Variants in TMEM273 observed in about 807,000 individuals in gnomAD.
TMEM273 encodes the protein transmembrane protein 273.
TMEM273 carries 19 observed loss-of-function variants against 17.9 expected under a neutral mutation model. The ratio of observed to expected loss-of-function variants is 1.06; its 90% CI spans 0.74 to 1.55. TMEM273 has a LOEUF of 1.55. Among genes scored for constraint, TMEM273 ranks in the 40% most tolerant of loss-of-function variants. The pLI, the probability that TMEM273 is intolerant of heterozygous loss-of-function variation, is 0.00. For synonymous variants in TMEM273, 66 were observed against 62.0 expected, an observed-to-expected ratio of 1.07 and a Z score of -0.31; for missense variants, 194 against 155.6, an observed-to-expected ratio of 1.25 and a Z score of -1.31.
Position 49,178,950 on chromosome 10 carries a change from G to A in TMEM273, c.43+9344C>T, listed in dbSNP as rs139073253. On this transcript the variant is annotated intron_variant, in intron 1 of 6. Coordinates refer to ENST00000374153, the MANE Select transcript of TMEM273 (RefSeq NM_001288740.3). ...AGACAGCCTGTGGGTCCAGCTCCAG[G>A]TCCTTCACCTCTTGCCCTGAATAGT... Among the ~76,000 whole-genome samples, 50 of 152,282 alleles carry A rather than the reference G, an allele frequency of 3.3e-4. No individual in the cohort carries two copies. The East Asian group carries it at 9.3e-3, about 28-fold the overall frequency.
At chr10:49,159,169 TAAAGA>T (rs1173787780) in intron 6 of TMEM273, among the ~76,000 whole-genome samples, 1 of 152,036 alleles carries the variant, frequency 6.6e-6, no homozygotes, top group Non-Finnish European at 1.5e-5. Flanking sequence ...ATAAACTGTG[TAAAGA>T]AAACTATGTA....
At chr10:49,183,514 T>C (rs1590255448) in intron 1 of TMEM273, among the ~76,000 whole-genome samples, 1 of 152,310 alleles carries the variant, frequency 6.6e-6, no homozygotes, top group East Asian at 1.9e-4. Context: ...TATTTTGAAA[T>C]AAAAAAATTT....
intron 3 of TMEM273, 49 bp downstream of exon 3, chr10:49,166,820 G>A (rs1329592300): frequency 1.2e-5 from 20 of 1,609,160 alleles, no homozygotes; most frequent in Admixed American, 6.7e-5. Flanking sequence ...GTGGCCCTCG[G>A]TGCCTCGCTG....
At chr10:49,178,273 A>T (rs1331515296) in intron 1 of TMEM273, 3 of 457,176 alleles carry the variant, frequency 6.6e-6, no homozygotes, top group South Asian at 3.1e-5. Context: ...TCTTCTTAGG[A>T]TGGCACGCCA....
chr10:49,170,694 C>T (rs1846505027), intron 1 of TMEM273, among the ~76,000 whole-genome samples: 4 of 152,238 alleles, frequency 2.6e-5, no homozygotes, highest in Admixed American at 2.6e-4. Context: ...GCCAGCCCCA[C>T]AGCCACTCAG....
At chr10:49,186,084 GAAGAAGAAGAA>G (rs1847681671) in intron 1 of TMEM273, among the ~76,000 whole-genome samples, 1 of 144,952 alleles carries the variant, frequency 6.9e-6, no homozygotes, top group African/African-American at 2.7e-5. Context: ...AGAAGAAGAA[GAAGAAGAAGAA>G]GAAGAAGAAG....
At chr10:49,178,780 G>A (rs1847162488) in intron 1 of TMEM273, among the ~76,000 whole-genome samples, 1 of 152,192 alleles carries the variant, frequency 6.6e-6, no homozygotes, top group South Asian at 2.1e-4. Context: ...TTAACACACT[G>A]CATTGCAACT....
chr10:49,165,496 A>T, intron 4 of TMEM273: 12 of 1,432,200 alleles, frequency 8.4e-6, no homozygotes, highest in Non-Finnish European at 1.1e-5. Flanking sequence ...AAGGGGTCTG[A>T]GTGGGGGTGG....
At chr10:49,156,225 T>C in intron 6 of TMEM273, 9 of 1,390,116 alleles carry the variant, frequency 6.5e-6, no homozygotes, top group Non-Finnish European at 8.6e-6. Flanking sequence ...TTTCACTTTC[T>C]GTAGTTGGTG....
chr10:49,166,708 G>A (rs544617337), intron 3 of TMEM273, 161 bp downstream of exon 3: 9 of 1,007,798 alleles, frequency 8.9e-6, no homozygotes, highest in South Asian at 4.2e-5. Context: ...GAGGCAAAGG[G>A]TTAGTGAGAG....
At chr10:49,183,797 G>T (rs1341471173) in intron 1 of TMEM273, among the ~76,000 whole-genome samples, 3 of 152,190 alleles carry the variant, frequency 2.0e-5, no homozygotes, top group Admixed American at 6.5e-5. Context: ...TTGGCCCACG[G>T]TCGGCTCTCA....
At chr10:49,165,502 G>A in intron 4 of TMEM273, 1 of 1,422,616 alleles carries the variant, frequency 7.0e-7, no homozygotes, top group Non-Finnish European at 9.3e-7. Context: ...TCTGAGTGGG[G>A]GTGGAACAGG....
chr10:49,176,825 G>A (rs1661797222), intron 1 of TMEM273, among the ~76,000 whole-genome samples: 1 of 152,198 alleles, frequency 6.6e-6, no homozygotes, highest in Non-Finnish European at 1.5e-5. Context: ...TAAACCCTGC[G>A]AGGCACCAGC....
chr10:49,164,769 T>A (rs964657082), intron 5 of TMEM273, among the ~76,000 whole-genome samples: 3 of 152,092 alleles, frequency 2.0e-5, no homozygotes, highest in African/African-American at 7.2e-5. Flanking sequence ...CACCTCCTAG[T>A]GGCTATGCAG....
At chr10:49,181,717 G>A (rs1847351740) in intron 1 of TMEM273, among the ~76,000 whole-genome samples, 2 of 152,050 alleles carry the variant, frequency 1.3e-5, no homozygotes, top group Non-Finnish European at 1.5e-5. Flanking sequence ...ATTGATCATA[G>A]ATTTCAATAT....
chr10:49,178,173 G>A (rs1336586521), intron 1 of TMEM273: 2 of 457,306 alleles, frequency 4.4e-6, no homozygotes, highest in South Asian at 1.5e-5. Flanking sequence ...CTCCTCTTTT[G>A]CTGGCCCATG....
intron 1 of TMEM273, among the ~76,000 whole-genome samples, chr10:49,171,631 G>A (rs1590217870): frequency 6.6e-6 from 1 of 152,338 alleles, no homozygotes; most frequent in East Asian, 1.9e-4. Flanking sequence ...GCAGCACACA[G>A]ATTGCTCTGT....
intron 1 of TMEM273, among the ~76,000 whole-genome samples, chr10:49,182,484 T>C (rs1847412326): frequency 6.6e-6 from 1 of 152,222 alleles, no homozygotes; most frequent in Admixed American, 6.5e-5. Flanking sequence ...TGGAATGTAA[T>C]TAAAGTGATA....
intron 6 of TMEM273, among the ~76,000 whole-genome samples, chr10:49,157,117 T>A (rs1457472338): frequency 6.6e-6 from 1 of 152,214 alleles, no homozygotes; most frequent in African/African-American, 2.4e-5. Flanking sequence ...GTTAGCCAGG[T>A]TTGCACTTGA....
Sources: allele counts gnomAD v4.1 joint callset (sites outside exome capture counted in the v4.1 genomes callset), GRCh38; gene constraint gnomAD v4.1.1; transcripts MANE v1.5; gene names NCBI Gene and HGNC (gene_info 2026-07-23, HGNC 2026-07-21).